ABTB2: variants seen among roughly 807,000 people sequenced by gnomAD.
The protein encoded by ABTB2 is ankyrin repeat and BTB domain containing 2.
ABTB2 carries 56 observed loss-of-function variants against 104.1 expected under a neutral mutation model. The observed-to-expected ratio is 0.54, with a 90% CI of 0.43 to 0.67. The LOEUF is 0.67. Ranked by LOEUF, ABTB2 falls within the 30% of genes least tolerant of loss-of-function variation. The pLI is 0.00. For missense variants in ABTB2, 1,279 were observed against 1,407.7 expected (o/e 0.91, Z 1.46); for synonymous variants, 606 against 608.2 (o/e 1.00, Z 0.05).
intron 1 of ABTB2, among the ~76,000 whole-genome samples, chr11:34,353,738 G>A (rs923296182): frequency 6.6e-6 from 1 of 152,190 alleles, no homozygotes; most frequent in African/African-American, 2.4e-5. Context: ...AAGTTTAAAA[G>A]CCCTATATAG....
intron 1 of ABTB2, among the ~76,000 whole-genome samples, chr11:34,341,134 T>TA (rs1289647097): frequency 6.6e-6 from 1 of 152,250 alleles, no homozygotes; most frequent in African/African-American, 2.4e-5. Flanking sequence ...TGCCAAGCCT[T>TA]ATGCTAACTG....
intron 1 of ABTB2, among the ~76,000 whole-genome samples, chr11:34,328,625 T>C (rs1208498491): frequency 6.6e-6 from 1 of 152,242 alleles, no homozygotes; most frequent in African/African-American, 2.4e-5. Context: ...AGAAACCACC[T>C]TTTTGTTCTC....
chr11:34,216,108 T>C (rs1369332173), intron 1 of ABTB2, among the ~76,000 whole-genome samples: 1 of 152,224 alleles, frequency 6.6e-6, no homozygotes, highest in Non-Finnish European at 1.5e-5. Flanking sequence ...CTCATGAAGT[T>C]GGCAGTCTAG....
intron 1 of ABTB2, among the ~76,000 whole-genome samples, chr11:34,227,858 CTGAG>C (rs1853707922): frequency 6.6e-6 from 1 of 150,748 alleles, no homozygotes; most frequent in Non-Finnish European, 1.5e-5. Flanking sequence ...CCTCAGCCAC[CTGAG>C]TATCTGGGAT....
chr11:34,184,941 A>G (rs1004040478), intron 3 of ABTB2, among the ~76,000 whole-genome samples: 11 of 151,746 alleles, frequency 7.2e-5, no homozygotes, highest in African/African-American at 2.7e-4. Context: ...GCTCAAACAT[A>G]CCTCCCTCCC....
intron 1 of ABTB2, among the ~76,000 whole-genome samples, chr11:34,208,925 G>T (rs1485278008): frequency 6.6e-6 from 1 of 151,810 alleles, no homozygotes; most frequent in African/African-American, 2.4e-5. Context: ...CCCATCCCCT[G>T]CCTCCAGGCT....
intron 4 of ABTB2, among the ~76,000 whole-genome samples, chr11:34,172,418 ATGTGTGTGTGTGTGTG>A (rs1554980673): frequency 1.2e-5 from 1 of 84,180 alleles, no homozygotes; most frequent in Admixed American, 1.4e-4. Context: ...ATATATATAT[ATGTGTGTGTGTGTGTG>A]TATATAGATA....
At chr11:34,220,281 C>G (rs1853603380) in intron 1 of ABTB2, among the ~76,000 whole-genome samples, 1 of 152,208 alleles carries the variant, frequency 6.6e-6, no homozygotes, top group African/African-American at 2.4e-5. Flanking sequence ...CATTCCTTCT[C>G]CTTCTTGGCT....
At chr11:34,168,374 T>C (rs968526758) in intron 5 of ABTB2, among the ~76,000 whole-genome samples, 1 of 151,982 alleles carries the variant, frequency 6.6e-6, no homozygotes, top group Non-Finnish European at 1.5e-5. Flanking sequence ...TGTTGTAGAG[T>C]GTGGATTAAT....
At chr11:34,320,396 A>C (rs964892397) in intron 1 of ABTB2, among the ~76,000 whole-genome samples, 1 of 152,194 alleles carries the variant, frequency 6.6e-6, no homozygotes, top group African/African-American at 2.4e-5. Flanking sequence ...AAATGTACTC[A>C]GTGGCCGAAG....
intron 1 of ABTB2, among the ~76,000 whole-genome samples, chr11:34,255,418 T>C (rs1854109064): frequency 6.6e-6 from 1 of 152,182 alleles, no homozygotes; most frequent in Non-Finnish European, 1.5e-5. Context: ...GTGCTCAGGA[T>C]TCAAAATCCT....
At chr11:34,300,134 AT>A (rs972866920) in intron 1 of ABTB2, among the ~76,000 whole-genome samples, 3 of 152,134 alleles carry the variant, frequency 2.0e-5, no homozygotes, top group African/African-American at 7.2e-5. Context: ...TAGAGGAGCT[AT>A]TTTACAGCCC....
At chr11:34,171,156 T>A in intron 4 of ABTB2, 85 bp from the exon 5 acceptor site, 1 of 1,462,920 alleles carries the variant, frequency 6.8e-7, no homozygotes, top group Non-Finnish European at 9.3e-7. Context: ...GAGCTTTACG[T>A]GTAGAGTGAG....
chr11:34,299,122 T>C lies in ABTB2; in HGVS notation c.883+57579A>G, dbSNP rs950529558. On this transcript the variant is annotated intron_variant, in intron 1 of 16. Transcript: ENST00000435224. ...ACAGGGAACGGATCTTTTTAGCAGA[T>C]GTTTTTCTGGAATGGCTGGTGATTG... 5.9e-5 allele frequency among the ~76,000 whole-genome samples: 9 copies of C among 152,200 alleles called. No homozygotes were observed. In the East Asian group the frequency reaches 1.5e-3, roughly 26 times the overall value.
intron 1 of ABTB2, among the ~76,000 whole-genome samples, chr11:34,303,534 C>T (rs942859984): frequency 6.6e-6 from 1 of 150,852 alleles, no homozygotes; most frequent in African/African-American, 2.4e-5. Context: ...ACTTTTTACC[C>T]TTTATAGGTT....
intron 1 of ABTB2, among the ~76,000 whole-genome samples, chr11:34,304,751 T>C (rs969488871): frequency 6.6e-6 from 1 of 152,126 alleles, no homozygotes; most frequent in African/African-American, 2.4e-5. Flanking sequence ...AGTTTGTCCA[T>C]GGACATATAG....
chr11:34,204,681 G>T lies in ABTB2; in HGVS notation c.893C>A (p.Ser298Tyr). The part of the protein sequence containing the change: ...ICGKNANGVL[S>Y]LPAYFSPYNG... Reference sequence around the variant, plus strand: ...GTAGGGGCTGAAGTATGCGGGGAGGGAGAGGACACCTATGGGGAAAGAAGG... The same window carrying T: ...GTAGGGGCTGAAGTATGCGGGGAGGTAGAGGACACCTATGGGGAAAGAAGG... Residue 298 changes from serine (S) to tyrosine (Y), a missense_variant, in exon 2 of 17, where the codon TCC (serine) becomes TAC (tyrosine). Transcript: ENST00000435224. The T allele has an allele frequency of 6.2e-7, 1 of 1,613,216 alleles. No individual in the cohort carries two copies. The highest frequency in any genetic ancestry group is 8.5e-7 in the Non-Finnish European group (1 of 1,179,616).
chr11:34,204,746 GC>G, intron 1 of ABTB2, 56 bp from the exon 2 acceptor site: 1 of 1,554,974 alleles, frequency 6.4e-7, no homozygotes, highest in Non-Finnish European at 8.7e-7. Context: ...AGTTCAGTGG[GC>G]CCCAGCCTGC....
chr11:34,291,063 C>T (rs999515185), intron 1 of ABTB2, among the ~76,000 whole-genome samples: 2 of 152,238 alleles, frequency 1.3e-5, no homozygotes, highest in Non-Finnish European at 2.9e-5. Context: ...GGCTCCCAGC[C>T]TTCCCAGGCT....
Sources: allele counts gnomAD v4.1 joint callset (sites outside exome capture counted in the v4.1 genomes callset), GRCh38; gene constraint gnomAD v4.1.1; transcripts MANE v1.5; gene names NCBI Gene and HGNC (gene_info 2026-07-23, HGNC 2026-07-21).